Variants in DDR1 observed in about 807,000 individuals in gnomAD.
The protein encoded by DDR1 is discoidin domain receptor tyrosine kinase 1.
Under a neutral mutation model 97.4 loss-of-function variants are expected in DDR1, and 64 were observed. The observed-to-expected ratio is 0.66, with a 90% confidence interval of 0.54 to 0.81. DDR1 has a LOEUF of 0.81. Ranked by LOEUF, DDR1 falls within the 30% of genes least tolerant of loss-of-function variation. DDR1 has a pLI of 0.00. For synonymous variants in DDR1, 458 were observed against 503.7 expected, an observed-to-expected ratio of 0.91 and a Z score of 1.21; for missense variants, 990 against 1,259.6, an observed-to-expected ratio of 0.79 and a Z score of 3.24.
At position 30,890,978 on chromosome 6, in the gene DDR1, C is replaced by T; in HGVS notation, c.423C>T (p.Ile141=). The T allele has an allele frequency of 1.2e-6, 2 of 1,600,734 alleles. No individual in the cohort carries two copies. Among genetic ancestry groups the T allele is most frequent in the Non-Finnish European group, 1.7e-6 (2 of 1,173,588 alleles). The change falls in exon 5 of 18, where the codon ATC becomes ATT. Residue 141 remains isoleucine (I), a synonymous_variant. Transcript: ENST00000376568. This position sits in a 1 kb window ranked among gnomAD's most constrained non-coding sequence, Gnocchi z 5.0. ...CCCTGTTTCCTGGCCCACAGGTGAT[C>T]TCAGGCAATGAGGACCCTGAGGGAG... ...GWKDRWGQEV[I]SGNEDPEGVV...
At position 30,890,153 on chromosome 6, in the gene DDR1, G is replaced by T. The variant is rs1436864316; in HGVS notation, c.417+723G>T. ...ACCTTAGAGCATGTAAATCAGATAC[G>T]TCACACCTAGCTGACACCCCCATGC... On this transcript the variant is annotated intron_variant, in intron 4 of 17. Transcript: ENST00000376568. The surrounding 1 kb of genome is among the most constrained non-coding windows in gnomAD (Gnocchi z 5.0). 6.6e-6 allele frequency among the ~76,000 whole-genome samples: 1 copy of T among 152,126 alleles called. No homozygotes were observed. Among genetic ancestry groups the T allele is most frequent in the East Asian group, 1.9e-4 (1 of 5,190 alleles).
At position 30,889,382 on chromosome 6, in the gene DDR1, C is replaced by T; in HGVS notation, c.369C>T (p.Ser123=). The change falls in exon 4 of 18, where the codon TCC becomes TCT. Residue 123 remains serine (S), a synonymous_variant. Coordinates refer to ENST00000376568, the MANE Select transcript of DDR1 (RefSeq NM_001297654.2). The surrounding 1 kb of genome is among the most constrained non-coding windows in gnomAD (Gnocchi z 4.9). ...EFSRSYRLRY[S]RDGRRWMGWK... is the part of the protein sequence containing the mutation. The stretch of plus-strand genomic sequence containing the variant: ...CCCGGAGCTACCGGCTGCGTTACTC[C>T]CGGGATGGTCGCCGCTGGATGGGCT... 1 of 1,598,272 alleles carries T rather than the reference C, an allele frequency of 6.3e-7. No individual in the cohort carries two copies. Among genetic ancestry groups the T allele is most frequent in the East Asian group, 2.2e-5 (1 of 44,696 alleles).
Position 30,891,554 on chromosome 6 carries a change from T to A in DDR1, c.665+75T>A. ...GTGTGTGTGTGTGTGTGTGTGTGTG[T>A]GTGAGAGTGTGTGTGTGTAGGGGGG... On this transcript the variant is annotated intron_variant, in intron 6 of 17. Coordinates refer to ENST00000376568, the MANE Select transcript of DDR1 (RefSeq NM_001297654.2). This position sits in a 1 kb window ranked among gnomAD's most constrained non-coding sequence, Gnocchi z 5.3. 3.2e-6 allele frequency: 3 copies of A among 943,272 alleles called. No individual in the cohort carries two copies. Among genetic ancestry groups the A allele is most frequent in the Non-Finnish European group, 4.9e-6 (3 of 614,444 alleles). The allele number at this position is 943,272 out of a possible 1,614,324, so 58.4% of individuals were successfully genotyped here.
At chr6:30,892,961 A>T in intron 8 of DDR1, 107 bp from the exon 9 acceptor site, 1 of 999,526 alleles carries the variant, frequency 1.0e-6, no homozygotes, top group Non-Finnish European at 1.5e-6. Flanking sequence ...TTGCCTATTG[A>T]GAATCACCCA....
intron 17 of DDR1, 49 bp downstream of exon 17, chr6:30,899,086 G>A (rs2150478356): frequency 6.2e-7 from 1 of 1,614,166 alleles, no homozygotes; most frequent in Non-Finnish European, 8.5e-7. Flanking sequence ...GGACAGAAGG[G>A]GCAGAGTTGT....
chr6:30,896,641 G>C lies in DDR1; in HGVS notation c.1645G>C (p.Glu549Gln), dbSNP rs867195699. Residue 549 changes from glutamate to glutamine, a missense_variant, in exon 13 of 18, where the codon GAG becomes CAG. By Grantham distance (29) the Glu-to-Gln change is conservative. Coordinates refer to ENST00000376568, the MANE Select transcript of DDR1 (RefSeq NM_001297654.2). ...NTQAYSGDYM[E>Q]PEKPGAPLLP... ...TGCAGCCTACAGTGGGGACTATATGGAGCCTGAGAAGCCAGGCGCCCCGCT... is the reference window on the plus strand; with the variant it reads ...TGCAGCCTACAGTGGGGACTATATGCAGCCTGAGAAGCCAGGCGCCCCGCT... 6.2e-7 allele frequency: 1 copy of C among 1,613,480 alleles called. No homozygotes were observed. Among genetic ancestry groups the C allele is most frequent in the Non-Finnish European group, 8.5e-7 (1 of 1,179,784 alleles).
Position 30,897,608 on chromosome 6 carries a change from A to G in DDR1, c.2216+11A>G. ...GGGGCCCACCATCAGGTACCTGCTT[A>G]CCCAGGCTGGGCCTTGCTCAGAATT... On this transcript the variant is annotated intron_variant, in intron 15 of 17. Transcript: ENST00000376568. This position sits in a 1 kb window ranked among gnomAD's most constrained non-coding sequence, Gnocchi z 5.2. 6.2e-7 allele frequency: 1 copy of G among 1,603,074 alleles called. No homozygotes were observed. The highest frequency in any genetic ancestry group is 8.5e-7 in the Non-Finnish European group (1 of 1,175,952).
chr6:30,897,586 G>T lies in DDR1; in HGVS notation c.2205G>T (p.Gly735=). The change falls in exon 15 of 18, where the codon GGG becomes GGT. Residue 735 remains glycine (G), a synonymous_variant. Transcript: ENST00000376568. The surrounding 1 kb of genome is among the most constrained non-coding windows in gnomAD (Gnocchi z 5.2). ...CTGGGGACGGGCAGGCTGCGCAGGGGCCCACCATCAGGTACCTGCTTACCC... is the reference window on the plus strand; with the variant it reads ...CTGGGGACGGGCAGGCTGCGCAGGGTCCCACCATCAGGTACCTGCTTACCC... ...GAPGDGQAAQ[G]PTISYPMLLH... is the part of the protein sequence containing the mutation. 1 of 1,610,834 alleles carries T rather than the reference G, an allele frequency of 6.2e-7. No individual in the cohort carries two copies. The highest frequency in any genetic ancestry group is 1.1e-5 in the South Asian group (1 of 91,014).
At position 30,890,385 on chromosome 6, in the gene DDR1, C is replaced by G. The variant is rs541409388; in HGVS notation, c.418-588C>G. The G allele has an allele frequency of 2.6e-5, 4 of 152,548 alleles. No individual in the cohort carries two copies. The highest frequency in any genetic ancestry group is 9.6e-5 in the African/African-American group (4 of 41,554). The allele number at this position is 152,548 out of a possible 1,614,324, so 9.4% of individuals were successfully genotyped here. On this transcript the variant is annotated intron_variant, in intron 4 of 17. Transcript: ENST00000376568. This position sits in a 1 kb window ranked among gnomAD's most constrained non-coding sequence, Gnocchi z 5.0. ...GCAAAGCTCCTCCCCTAAATAACCA[C>G]AGGCTCTCCCTCACTCCATTCAGTT...
chr6:30,899,794 C>T lies in DDR1; in HGVS notation c.*498C>T, dbSNP rs1792287368. 2.7e-6 allele frequency: 1 copy of T among 373,816 alleles called. No individual in the cohort carries two copies. The highest frequency in any genetic ancestry group is 5.0e-6 in the Non-Finnish European group (1 of 200,194). 23.2% of individuals were successfully genotyped at this position (373,816 alleles called of 1,614,324 possible). On this transcript the variant is annotated 3_prime_UTR_variant, in exon 18 of 18. Coordinates refer to ENST00000376568, the MANE Select transcript of DDR1 (RefSeq NM_001297654.2). ...ATGTTTCCTTGTGCCTGCTCCTGTA[C>T]TTGTCCTCAGCTTGGGCTTCTTCCT... is the stretch of plus-strand genomic sequence containing the variant.
intron 16 of DDR1, among the ~76,000 whole-genome samples, chr6:30,898,565 C>G (rs2524236): frequency 0.25 from 37,489 of 151,832 alleles, 5,510 homozygotes; most frequent in East Asian, 0.59. Flanking sequence ...TGAGGTTGGG[C>G]GAGGAAGCTG....
Position 30,892,548 on chromosome 6 carries a change from C to T in DDR1, c.1099+6C>T, listed in dbSNP as rs2150360240. The T allele has an allele frequency of 6.4e-7, 1 of 1,571,888 alleles. No homozygotes were observed. Among genetic ancestry groups the T allele is most frequent in the South Asian group, 1.2e-5 (1 of 86,358 alleles). On this transcript the variant is annotated splice_donor_region_variant and intron_variant, in intron 8 of 17. Coordinates refer to ENST00000376568, the MANE Select transcript of DDR1 (RefSeq NM_001297654.2). ...CGAAATCTCCTTCATCTCTGGTAAGCCCTGGAGTAGCCCAGTCTCCAGTCC... is the reference window on the plus strand; with the variant it reads ...CGAAATCTCCTTCATCTCTGGTAAGTCCTGGAGTAGCCCAGTCTCCAGTCC...
chr6:30,899,088 C>A (rs1361058103), intron 17 of DDR1, 51 bp downstream of exon 17: 1 of 1,614,120 alleles, frequency 6.2e-7, no homozygotes, highest in African/African-American at 1.3e-5. Context: ...ACAGAAGGGG[C>A]AGAGTTGTCA....
At position 30,890,874 on chromosome 6, in the gene DDR1, A is replaced by C; in HGVS notation, c.418-99A>C. On this transcript the variant is annotated intron_variant, in intron 4 of 17. Coordinates refer to ENST00000376568, the MANE Select transcript of DDR1 (RefSeq NM_001297654.2). This position sits in a 1 kb window ranked among gnomAD's most constrained non-coding sequence, Gnocchi z 5.0. Reference sequence around the variant, plus strand: ...TCGGTGCCACCCCTCATGGGTCTCTAAGTGGCCACTGTGGGCTGGGCCAGG... The same window carrying C: ...TCGGTGCCACCCCTCATGGGTCTCTCAGTGGCCACTGTGGGCTGGGCCAGG... The C allele has an allele frequency of 4.6e-6, 6 of 1,308,658 alleles. No individual in the cohort carries two copies. Among genetic ancestry groups the C allele is most frequent in the Non-Finnish European group, 6.2e-6 (6 of 966,758 alleles). The allele number at this position is 1,308,658 out of a possible 1,614,324, so 81.1% of individuals were successfully genotyped here.
chr6:30,891,527 C>CTCTGTG lies in DDR1; in HGVS notation c.665+49_665+50insCTGTGT, dbSNP rs372584534. 120 of 798,248 alleles carry CTCTGTG rather than the reference C, an allele frequency of 1.5e-4. 4 individuals are homozygous for CTCTGTG. The highest frequency in any genetic ancestry group is 8.4e-4 in the South Asian group (54 of 64,328). The allele number at this position is 798,248 out of a possible 1,614,324, so 49.4% of individuals were successfully genotyped here. ...ATGGAGTTTGGGGTGGGAGGGAGGA[C>CTCTGTG]TGTGTGTGTGTGTGTGTGTGTGTGT... On this transcript the variant is annotated intron_variant, in intron 6 of 17. Coordinates refer to ENST00000376568, the MANE Select transcript of DDR1 (RefSeq NM_001297654.2). This position sits in a 1 kb window ranked among gnomAD's most constrained non-coding sequence, Gnocchi z 5.3.
In DDR1 at chr6:30,889,358, C is replaced by T. The variant is rs937221722; in HGVS notation, c.345C>T (p.Ser115=). The T allele has an allele frequency of 3.7e-6, 6 of 1,608,948 alleles. No homozygotes were observed. In the African/African-American group the frequency reaches 8.0e-5, roughly 21 times the overall value. The change falls in exon 4 of 18, where the codon TCC becomes TCT. Residue 115 remains serine (S), a synonymous_variant. Transcript: ENST00000376568. This position sits in a 1 kb window ranked among gnomAD's most constrained non-coding sequence, Gnocchi z 4.9. ...CCGGGGGCCTGGGCAAGGAGTTCTC[C>T]CGGAGCTACCGGCTGCGTTACTCCC... is the stretch of plus-strand genomic sequence containing the variant. ...RHAGGLGKEF[S]RSYRLRYSRD... is the part of the protein sequence containing the mutation.
chr6:30,885,039 C>T, intron 1 of DDR1: 1 of 619,326 alleles, frequency 1.6e-6, no homozygotes. Context: ...TGAGTCAGCT[C>T]ATCTATCGCC....
In DDR1 at chr6:30,899,487, C is replaced by T. The variant is rs1330718116; in HGVS notation, c.*191C>T. 4.6e-6 allele frequency: 3 copies of T among 650,356 alleles called. No homozygotes were observed. The highest frequency in any genetic ancestry group is 7.7e-6 in the Non-Finnish European group (3 of 391,872). 40.3% of individuals were successfully genotyped at this position (650,356 alleles called of 1,614,324 possible). ...GCCCCTTCTCCCCTTCCTGGACACA[C>T]TCTCATGTCCCCTTCCTGTTCTTCC... On this transcript the variant is annotated 3_prime_UTR_variant, in exon 18 of 18. Coordinates refer to ENST00000376568, the MANE Select transcript of DDR1 (RefSeq NM_001297654.2).
In DDR1 at chr6:30,899,238, G is replaced by A. The variant is rs767934466; in HGVS notation, c.2684G>A (p.Arg895Gln). 2 of 1,614,122 alleles carry A rather than the reference G, an allele frequency of 1.2e-6. No homozygotes were observed. Among genetic ancestry groups the A allele is most frequent in the Non-Finnish European group, 1.7e-6 (2 of 1,180,004 alleles). ...LRCWSRESEQ[R>Q]PPFSQLHRFL... Reference sequence around the variant, plus strand: ...TGCTGGAGCCGGGAGTCTGAGCAGCGACCACCCTTTTCCCAGCTGCATCGG... The same window carrying A: ...TGCTGGAGCCGGGAGTCTGAGCAGCAACCACCCTTTTCCCAGCTGCATCGG... The change falls in exon 18 of 18, where the codon CGA (arginine) becomes CAA (glutamine). Residue 895 changes from arginine to glutamine, a missense_variant. Physicochemically the swap from Arg to Gln is conservative, Grantham distance 43. Coordinates refer to ENST00000376568, the MANE Select transcript of DDR1 (RefSeq NM_001297654.2).
Sources: allele counts gnomAD v4.1 joint callset (sites outside exome capture counted in the v4.1 genomes callset), GRCh38; gene constraint gnomAD v4.1.1; non-coding constraint Gnocchi (gnomAD v3.1); transcripts MANE v1.5; gene names NCBI Gene and HGNC (gene_info 2026-07-23, HGNC 2026-07-21).